COG5: variants seen among roughly 807,000 people sequenced by gnomAD.
COG5 encodes conserved oligomeric Golgi complex subunit 5.
In COG5, 86 loss-of-function variants were observed where a neutral mutation model predicts 110.4. That is an observed-to-expected ratio of 0.78 (90% CI 0.65 to 0.93). The LOEUF is 0.93. Ranked by LOEUF, COG5 falls within the 40% of genes least tolerant of loss-of-function variation. The pLI is 0.00. For synonymous variants in COG5, 360 were observed against 334.6 expected, an observed-to-expected ratio of 1.08 and a Z score of -0.83; for missense variants, 1,077 against 987.0, an observed-to-expected ratio of 1.09 and a Z score of -1.22.
intron 6 of COG5, among the ~76,000 whole-genome samples, chr7:107,510,447 C>A (rs538812807): frequency 6.6e-6 from 1 of 152,114 alleles, no homozygotes; most frequent in East Asian, 1.9e-4. Context: ...ACAATAATAA[C>A]GGGAGACTTT....
In COG5 at chr7:107,258,425, T is replaced by TTCTC. The variant is rs71134258; in HGVS notation, c.1576-46_1576-43dup. 8,670 of 885,768 alleles carry TTCTC rather than the reference T, an allele frequency of 9.8e-3. 191 individuals are homozygous for TTCTC. Among genetic ancestry groups the TTCTC allele is most frequent in the African/African-American group, 0.087 (5,193 of 59,604 alleles). The allele number at this position is 885,768 out of a possible 1,614,324, so 54.9% of individuals were successfully genotyped here. ...TCAAAAGAATGTGTCAGAATGATAA[T>TTCTC]TCTCTCTCTCTCTCTCTCTCTCTCT... On this transcript the variant is annotated intron_variant, in intron 14 of 21. Transcript: ENST00000297135.
At chr7:107,315,858 G>T (rs1260500251) in intron 11 of COG5, among the ~76,000 whole-genome samples, 1 of 152,094 alleles carries the variant, frequency 6.6e-6, no homozygotes, top group African/African-American at 2.4e-5. Context: ...AGTAATTATG[G>T]TATTAGAAGT....
chr7:107,463,292 T>G (rs1479125184), intron 6 of COG5, among the ~76,000 whole-genome samples: 2 of 152,216 alleles, frequency 1.3e-5, no homozygotes, highest in Non-Finnish European at 2.9e-5. Context: ...TCAAAAGAGA[T>G]GCACTTGGTA....
chr7:107,341,076 G>C (rs1811133171), intron 10 of COG5, among the ~76,000 whole-genome samples: 1 of 152,012 alleles, frequency 6.6e-6, no homozygotes, highest in Non-Finnish European at 1.5e-5. Context: ...TTGGAAAACA[G>C]GATGTCAAAA....
rs998880517 is a variant in COG5 at position 107,510,029 on chromosome 7, G to C, written c.538+17208C>G. 4.6e-5 allele frequency among the ~76,000 whole-genome samples: 7 copies of C among 152,126 alleles called. No homozygotes were observed. In the East Asian group the frequency reaches 9.7e-4, roughly 21 times the overall value. On this transcript the variant is annotated intron_variant, in intron 6 of 21. Transcript: ENST00000297135. ...TAACCAGCTAACATCATAATGACAA[G>C]ACCAAATACACACATAACAATATTA...
rs1429688540 is a variant in COG5 at position 107,324,498 on chromosome 7, G to A, written c.1050C>T (p.Tyr350=). The part of the protein sequence containing the change: ...IVKDGQPEIF[Y]TFWNSVTQAL... ...CCTGAGTAACTGAATTCCAAAATGT[G>A]TAGAAAATTTCCGGTTGTCCATCCT... is the stretch of plus-strand genomic sequence containing the variant. Residue 350 remains tyrosine (Y), a synonymous_variant, in exon 11 of 22, where the codon TAC becomes TAT. Transcript: ENST00000297135. 15 of 1,605,182 alleles carry A rather than the reference G, an allele frequency of 9.3e-6. No homozygotes were observed. The highest frequency in any genetic ancestry group is 1.3e-5 in the African/African-American group (1 of 74,794).
chr7:107,295,666 T>A (rs1053404926), intron 12 of COG5, among the ~76,000 whole-genome samples: 1 of 152,232 alleles, frequency 6.6e-6, no homozygotes, highest in African/African-American at 2.4e-5. Context: ...TGGCCTCCTA[T>A]ATCTCGTTTT....
intron 14 of COG5, among the ~76,000 whole-genome samples, chr7:107,269,765 A>G (rs1804094790): frequency 6.6e-6 from 1 of 152,052 alleles, no homozygotes; most frequent in African/African-American, 2.4e-5. Flanking sequence ...TCCTTTTTGC[A>G]TTAGATTTCC....
intron 10 of COG5, among the ~76,000 whole-genome samples, chr7:107,345,327 T>C (rs1435540170): frequency 6.6e-6 from 1 of 152,124 alleles, no homozygotes; most frequent in Non-Finnish European, 1.5e-5. Context: ...GAGACACAAA[T>C]GAGCATATGT....
At chr7:107,321,729 A>C (rs566500858) in intron 11 of COG5, among the ~76,000 whole-genome samples, 20 of 152,228 alleles carry the variant, frequency 1.3e-4, no homozygotes, top group Non-Finnish European at 2.1e-4. Flanking sequence ...ATAACTCATA[A>C]CATACACGAA....
At chr7:107,364,801 T>C (rs17154040) in intron 8 of COG5, among the ~76,000 whole-genome samples, 32,014 of 152,116 alleles carry the variant, frequency 0.21, 3,650 homozygotes, top group East Asian at 0.33. Flanking sequence ...AATCTGATAA[T>C]AGTAGCAAGC....
chr7:107,509,734 G>A (rs1799349303), intron 6 of COG5, among the ~76,000 whole-genome samples: 2 of 152,110 alleles, frequency 1.3e-5, no homozygotes, highest in South Asian at 4.1e-4. Context: ...AGAGAGTGGG[G>A]ACCAATATTC....
chr7:107,519,913 G>A (rs960471276), intron 6 of COG5, among the ~76,000 whole-genome samples: 8 of 152,124 alleles, frequency 5.3e-5, no homozygotes, highest in Admixed American at 1.3e-4. Flanking sequence ...CTGGCAAACC[G>A]AATCCAGCAG....
At chr7:107,247,846 T>A (rs1399714654) in intron 17 of COG5, among the ~76,000 whole-genome samples, 1 of 152,154 alleles carries the variant, frequency 6.6e-6, no homozygotes, top group African/African-American at 2.4e-5. Flanking sequence ...TGTGATGTGA[T>A]CAGATTAGAT....
intron 5 of COG5, among the ~76,000 whole-genome samples, chr7:107,529,688 C>T (rs1279637558): frequency 6.6e-6 from 1 of 152,224 alleles, no homozygotes; most frequent in Non-Finnish European, 1.5e-5. Context: ...CACCTGACCT[C>T]AGTGCCCACG....
intron 6 of COG5, among the ~76,000 whole-genome samples, chr7:107,424,459 C>T (rs1454896012): frequency 6.7e-6 from 1 of 149,046 alleles, no homozygotes; most frequent in Non-Finnish European, 1.5e-5. Flanking sequence ...AAGTTATATA[C>T]TTTAAACAAG....
intron 6 of COG5, among the ~76,000 whole-genome samples, chr7:107,415,201 G>C (rs1378167428): frequency 1.3e-5 from 2 of 152,158 alleles, no homozygotes; most frequent in African/African-American, 2.4e-5. Context: ...TATGAAATTG[G>C]GTTGGTGCTG....
intron 10 of COG5, among the ~76,000 whole-genome samples, chr7:107,343,498 T>C (rs1029538750): frequency 1.3e-5 from 2 of 152,056 alleles, no homozygotes; most frequent in African/African-American, 4.8e-5. Flanking sequence ...CTGGGCAACA[T>C]GGCAAAACCC....
At chr7:107,552,974 C>T (rs915633931) in intron 3 of COG5, among the ~76,000 whole-genome samples, 1 of 152,048 alleles carries the variant, frequency 6.6e-6, no homozygotes, top group African/African-American at 2.4e-5. Flanking sequence ...ATGGATAGAA[C>T]TGAAGGTGAT....
Sources: allele counts gnomAD v4.1 joint callset (sites outside exome capture counted in the v4.1 genomes callset), GRCh38; gene constraint gnomAD v4.1.1; transcripts MANE v1.5; gene names NCBI Gene and HGNC (gene_info 2026-07-23, HGNC 2026-07-21).